The following ZNF708 variants were observed in gnomAD, a reference collection of about 807,000 sequenced individuals.
ZNF708 encodes the protein ZNF15, ZNF15L1.
In ZNF708, 44 loss-of-function variants were observed where a neutral mutation model predicts 47.0. That is an observed-to-expected ratio of 0.94 (90% confidence interval 0.74 to 1.20). The LOEUF (loss-of-function observed/expected upper bound fraction) is 1.20. Among genes scored for constraint, ZNF708 ranks in the 50% most tolerant of loss-of-function variants. The pLI is 0.00. For synonymous variants in ZNF708, 184 were observed against 218.5 expected (o/e 0.84, Z 1.39); for missense variants, 557 against 656.0 (o/e 0.85, Z 1.65).
chr19:21,317,875 A>G (rs2992088), intron 1 of ZNF708, among the ~76,000 whole-genome samples: 13 of 152,350 alleles, frequency 8.5e-5, no homozygotes, highest in African/African-American at 2.9e-4. Context: ...GCAACTTGAC[A>G]CCAGGTGCCT....
intron 1 of ZNF708, among the ~76,000 whole-genome samples, chr19:21,325,578 A>G (rs1310102609): frequency 3.3e-5 from 5 of 152,222 alleles, no homozygotes; most frequent in Non-Finnish European, 7.3e-5. Context: ...AGATGGATTA[A>G]GGACTTAAAC....
chr19:21,320,495 G>A (rs1004725808), intron 1 of ZNF708, among the ~76,000 whole-genome samples: 1 of 151,634 alleles, frequency 6.6e-6, no homozygotes. Context: ...AGACCAGCCT[G>A]GGCAACATGG....
At chr19:21,305,455 A>T (rs7255549) in intron 3 of ZNF708, among the ~76,000 whole-genome samples, 83,602 of 150,180 alleles carry the variant, frequency 0.56, 23,380 homozygotes, top group Middle Eastern at 0.69. Context: ...TTATTTTTTT[A>T]TTTTTATTTT....
At chr19:21,318,571 A>G (rs1019269055) in intron 1 of ZNF708, 5 of 152,232 alleles carry the variant, frequency 3.3e-5, no homozygotes, top group African/African-American at 1.2e-4. Flanking sequence ...TACTCTTGGC[A>G]TGAGAAACAT....
chr19:21,293,168 C>T lies in ZNF708; in HGVS notation c.*106G>A, dbSNP rs1225190097. On this transcript the variant is annotated 3_prime_UTR_variant, in exon 4 of 4. Transcript: ENST00000356929. ...TCTTTTGTTTCATAAGGATTAAGAG[C>T]CAGTTAAAGGCTTTGCCACATTTAT... 6.2e-6 allele frequency: 8 copies of T among 1,298,002 alleles called. No homozygotes were observed. In the African/African-American group the frequency reaches 1.2e-4, roughly 19 times the overall value. The allele number at this position is 1,298,002 out of a possible 1,614,324, so 80.4% of individuals were successfully genotyped here.
At chr19:21,317,267 G>A (rs980924333) in intron 1 of ZNF708, among the ~76,000 whole-genome samples, 1 of 152,052 alleles carries the variant, frequency 6.6e-6, no homozygotes, top group Non-Finnish European at 1.5e-5. Context: ...GCAATGCAGT[G>A]AGACTCCATC....
At chr19:21,315,020 C>T (rs1422415997) in intron 1 of ZNF708, among the ~76,000 whole-genome samples, 1 of 152,172 alleles carries the variant, frequency 6.6e-6, no homozygotes, top group East Asian at 1.9e-4. Context: ...TTCTGATTAA[C>T]TAGCTTTTGG....
chr19:21,306,606 G>A (rs1422970425), intron 3 of ZNF708, among the ~76,000 whole-genome samples: 4 of 152,110 alleles, frequency 2.6e-5, no homozygotes, highest in Non-Finnish European at 5.9e-5. Context: ...TAAAACCCCT[G>A]TTGATTGTTG....
chr19:21,295,460 A>C (rs1972509720), intron 3 of ZNF708, among the ~76,000 whole-genome samples: 1 of 152,194 alleles, frequency 6.6e-6, no homozygotes, highest in African/African-American at 2.4e-5. Context: ...AAAGATTGTG[A>C]CAGGGCCGGG....
rs1972477423 is a variant in ZNF708 at position 21,294,256 on chromosome 19, G to A, written c.710C>T (p.Ser237Leu). ...EECGKAFNQS[S>L]TLTRHKIIHT... is the part of the protein sequence containing the mutation. Reference sequence around the variant, plus strand: ...AATTATCTTATGTCTAGTAAGAGTTGAGGACTGGTTAAAAGCTTTTCCACA... The same window carrying A: ...AATTATCTTATGTCTAGTAAGAGTTAAGGACTGGTTAAAAGCTTTTCCACA... Residue 237 changes from serine (S) to leucine (L), a missense_variant, in exon 4 of 4, where the codon TCA (serine) becomes TTA (leucine). Transcript: ENST00000356929. The A allele has an allele frequency of 1.2e-6, 2 of 1,612,704 alleles. No homozygotes were observed. Among genetic ancestry groups the A allele is most frequent in the Non-Finnish European group, 1.7e-6 (2 of 1,179,908 alleles).
intron 1 of ZNF708, among the ~76,000 whole-genome samples, chr19:21,321,141 AAAAAGAAAAGAAAAG>A (rs58726773): frequency 2.0e-5 from 3 of 151,466 alleles, no homozygotes; most frequent in African/African-American, 2.4e-5. Flanking sequence ...TCATCTTAAA[AAAAAGAAAAGAAAAG>A]AAAAGAAAAG....
chr19:21,319,599 A>C (rs2997215), intron 1 of ZNF708, among the ~76,000 whole-genome samples: 12 of 152,102 alleles, frequency 7.9e-5, no homozygotes, highest in African/African-American at 2.6e-4. Flanking sequence ...TACAGGTATG[A>C]GCCACCACGC....
intron 3 of ZNF708, among the ~76,000 whole-genome samples, chr19:21,304,719 T>A (rs1159893914): frequency 7.9e-5 from 12 of 151,902 alleles, no homozygotes. Flanking sequence ...TACTAATAAA[T>A]CAAAAAATTA....
At chr19:21,309,904 T>C (rs1972861431) in intron 2 of ZNF708, among the ~76,000 whole-genome samples, 2 of 152,208 alleles carry the variant, frequency 1.3e-5, no homozygotes, top group South Asian at 4.1e-4. Context: ...AATTAGATTT[T>C]AAGGTGTGGG....
At chr19:21,323,112 C>T (rs1227532058) in intron 1 of ZNF708, among the ~76,000 whole-genome samples, 2 of 151,954 alleles carry the variant, frequency 1.3e-5, no homozygotes, top group African/African-American at 4.8e-5. Context: ...AAAGATGACA[C>T]ACATAGACAA....
rs142345059 is a variant in ZNF708, at chr19:21,323,477, C to T, written c.3+5733G>A. Reference sequence around the variant, plus strand: ...TTTTCACCCTGCATTTGCCATTCCCCTTCCACCTCCTTTCTAATCTTGTTT... The same window carrying T: ...TTTTCACCCTGCATTTGCCATTCCCTTTCCACCTCCTTTCTAATCTTGTTT... On this transcript the variant is annotated intron_variant, in intron 1 of 3. Coordinates refer to ENST00000356929, the MANE Select transcript of ZNF708 (RefSeq NM_021269.3). Among the ~76,000 whole-genome samples the T allele has an allele frequency of 2.9e-3, 446 of 152,308 alleles. 3 individuals are homozygous for T. The highest frequency in any genetic ancestry group is 9.9e-3 in the African/African-American group (412 of 41,552).
chr19:21,310,217 C>G (rs146874409), intron 2 of ZNF708, among the ~76,000 whole-genome samples: 1 of 151,772 alleles, frequency 6.6e-6, no homozygotes, highest in East Asian at 1.9e-4. Flanking sequence ...GAGGCTGAGG[C>G]GGGCAGACCC....
At chr19:21,304,624 A>G (rs1210492532) in intron 3 of ZNF708, among the ~76,000 whole-genome samples, 1 of 152,198 alleles carries the variant, frequency 6.6e-6, no homozygotes, top group Non-Finnish European at 1.5e-5. Context: ...GCAGAGGCTC[A>G]TATCTATAAT....
At chr19:21,309,798 CTT>C (rs1476315348) in intron 2 of ZNF708, among the ~76,000 whole-genome samples, 1 of 152,230 alleles carries the variant, frequency 6.6e-6, no homozygotes, top group East Asian at 1.9e-4. Context: ...AAAATACTAA[CTT>C]ATAACAAAAT....
Sources: allele counts gnomAD v4.1 joint callset (sites outside exome capture counted in the v4.1 genomes callset), GRCh38; gene constraint gnomAD v4.1.1; transcripts MANE v1.5; gene names NCBI Gene and HGNC (gene_info 2026-07-23, HGNC 2026-07-21).